ADAMTSL3: variants seen among roughly 807,000 people sequenced by gnomAD.
The protein encoded by ADAMTSL3 is ADAMTS like 3.
ADAMTSL3 carries 128 observed loss-of-function variants against 201.7 expected under a neutral mutation model. The ratio of observed to expected loss-of-function variants is 0.63; its 90% CI spans 0.55 to 0.73. The LOEUF is 0.73. Ranked by LOEUF, ADAMTSL3 falls within the 30% of genes least tolerant of loss-of-function variation. The pLI is 0.00. For missense variants in ADAMTSL3, 1,990 were observed against 2,119.6 expected (o/e 0.94, Z 1.20); for synonymous variants, 738 against 748.4 (o/e 0.99, Z 0.23).
chr15:83,822,733 T>A (rs2063910566), intron 6 of ADAMTSL3, among the ~76,000 whole-genome samples: 1 of 149,184 alleles, frequency 6.7e-6, no homozygotes, highest in Non-Finnish European at 1.5e-5. Flanking sequence ...GCAGAGGGGC[T>A]CCTCACGTCC....
intron 19 of ADAMTSL3, among the ~76,000 whole-genome samples, chr15:83,969,472 A>G (rs945793430): frequency 6.6e-6 from 1 of 152,206 alleles, no homozygotes; most frequent in African/African-American, 2.4e-5. Context: ...CAAACAATGG[A>G]CATGCCCATA....
intron 15 of ADAMTSL3, among the ~76,000 whole-genome samples, chr15:83,903,401 A>T (rs1283938195): frequency 6.6e-6 from 1 of 151,814 alleles, no homozygotes; most frequent in African/African-American, 2.4e-5. Flanking sequence ...CCCCAACATA[A>T]GCTCTGTTCA....
In ADAMTSL3 at chr15:83,970,472, C is replaced by G. The variant is rs749368088; in HGVS notation, c.2491-12C>G. Reference sequence around the variant, plus strand: ...TGCTCCATTTGACTCTGTTGCACAACTCTCATTTCAGTGTTCTGTCAGTTG... The same window carrying G: ...TGCTCCATTTGACTCTGTTGCACAAGTCTCATTTCAGTGTTCTGTCAGTTG... On this transcript the variant is annotated splice_polypyrimidine_tract_variant and intron_variant, in intron 19 of 29. Coordinates refer to ENST00000286744, the MANE Select transcript of ADAMTSL3 (RefSeq NM_207517.3). 1 of 1,613,988 alleles carries G rather than the reference C, an allele frequency of 6.2e-7. No homozygotes were observed. The highest frequency in any genetic ancestry group is 2.2e-5 in the East Asian group (1 of 44,866).
intron 4 of ADAMTSL3, among the ~76,000 whole-genome samples, chr15:83,776,384 GACAA>G (rs1567137388): frequency 6.6e-6 from 1 of 152,154 alleles, no homozygotes; most frequent in Non-Finnish European, 1.5e-5. Context: ...TATCTAAGGA[GACAA>G]ACAATAAACA....
At chr15:83,781,606 A>T (rs969020108) in intron 4 of ADAMTSL3, among the ~76,000 whole-genome samples, 1 of 152,226 alleles carries the variant, frequency 6.6e-6, no homozygotes, top group African/African-American at 2.4e-5. Context: ...GAAAAATGAC[A>T]TCTAATTAAA....
intron 6 of ADAMTSL3, among the ~76,000 whole-genome samples, chr15:83,835,756 C>G (rs762791180): frequency 3.3e-5 from 5 of 152,238 alleles, no homozygotes; most frequent in Non-Finnish European, 7.3e-5. Context: ...ATCAATCACT[C>G]TTAAGTTGTT....
chr15:83,671,359 A>G (rs1163468572), intron 2 of ADAMTSL3, among the ~76,000 whole-genome samples: 1 of 152,136 alleles, frequency 6.6e-6, no homozygotes, highest in Non-Finnish European at 1.5e-5. Context: ...TGTGTTCGGG[A>G]TTTCTCCAGA....
At chr15:83,702,414 C>T (rs1345407077) in intron 2 of ADAMTSL3, among the ~76,000 whole-genome samples, 1 of 152,164 alleles carries the variant, frequency 6.6e-6, no homozygotes, top group Non-Finnish European at 1.5e-5. Context: ...AAAATGTCTC[C>T]AGGGCATGTC....
chr15:83,866,561 A>G (rs992218145), intron 8 of ADAMTSL3, among the ~76,000 whole-genome samples: 4 of 152,108 alleles, frequency 2.6e-5, no homozygotes, highest in Admixed American at 6.5e-5. Context: ...TTGAACAATG[A>G]GAACACATGG....
intron 23 of ADAMTSL3, among the ~76,000 whole-genome samples, chr15:84,007,149 A>G (rs993703567): frequency 4.6e-5 from 7 of 152,154 alleles, no homozygotes; most frequent in Admixed American, 4.6e-4. Flanking sequence ...TTCTTTTGGA[A>G]TGTAACTTTG....
chr15:83,912,490 C>T (rs1332976975), intron 15 of ADAMTSL3, among the ~76,000 whole-genome samples: 4 of 152,020 alleles, frequency 2.6e-5, no homozygotes, highest in Admixed American at 1.3e-4. Context: ...GATAATAATC[C>T]GGAATAAGAA....
At chr15:83,922,729 C>T (rs936736394) in intron 16 of ADAMTSL3, among the ~76,000 whole-genome samples, 1 of 152,096 alleles carries the variant, frequency 6.6e-6, no homozygotes. Context: ...TTAGAAAGAA[C>T]TGAACATCAC....
rs374470229 is a variant in ADAMTSL3, at chr15:83,694,756, AG to A, written c.70-9632del. Among the ~76,000 whole-genome samples, 34 of 152,346 alleles carry A rather than the reference AG, an allele frequency of 2.2e-4. No individual in the cohort carries two copies. The East Asian group carries it at 5.6e-3, about 25-fold the overall frequency. On this transcript the variant is annotated intron_variant, in intron 2 of 29. Transcript: ENST00000286744. Reference sequence around the variant, plus strand: ...GCCTTCTGTGGTGCAGAGAATATTCAGACAGCAGGCATGCAGGCTCTGCGGG... The same window carrying A: ...GCCTTCTGTGGTGCAGAGAATATTCAACAGCAGGCATGCAGGCTCTGCGGG...
chr15:83,659,329 C>T (rs903572863), intron 2 of ADAMTSL3, among the ~76,000 whole-genome samples: 20 of 152,204 alleles, frequency 1.3e-4, no homozygotes, highest in Non-Finnish European at 2.9e-4. Context: ...AATTTCAAAA[C>T]ACAGCTTGTA....
intron 2 of ADAMTSL3, among the ~76,000 whole-genome samples, chr15:83,670,623 T>G (rs1057088701): frequency 6.6e-6 from 1 of 152,178 alleles, no homozygotes; most frequent in African/African-American, 2.4e-5. Context: ...ATTGATTCCA[T>G]GAAAAAATGG....
In ADAMTSL3 at chr15:83,826,216, C is replaced by T. The variant is rs1171308130; in HGVS notation, c.600+6169C>T. Among the ~76,000 whole-genome samples the T allele has an allele frequency of 2.0e-5, 3 of 152,126 alleles. No individual in the cohort carries two copies. The East Asian group carries it at 5.8e-4, about 29-fold the overall frequency. On this transcript the variant is annotated intron_variant, in intron 6 of 29. Transcript: ENST00000286744. ...GGGCTCCTGGGCTCAAGTAATCCTC[C>T]CAACCTAGTCTGCACTCCACCCCTA...
intron 3 of ADAMTSL3, among the ~76,000 whole-genome samples, chr15:83,728,626 A>C (rs1048089055): frequency 6.6e-6 from 1 of 152,012 alleles, no homozygotes; most frequent in African/African-American, 2.4e-5. Context: ...GCAAAGAGAA[A>C]ACCAACATAA....
intron 3 of ADAMTSL3, among the ~76,000 whole-genome samples, chr15:83,719,773 A>G (rs576480225): frequency 6.6e-6 from 1 of 152,228 alleles, no homozygotes; most frequent in Non-Finnish European, 1.5e-5. Context: ...AACAGCATCA[A>G]CAAAACAAAA....
rs1029296602 is a variant in ADAMTSL3, at chr15:83,793,580, G to A, written c.318-11070G>A. ...CAGCCTCCGCCTCCCAGGTTCAAGCGATTCTCCTTCCTCTACCTCCCGAGT... is the reference window on the plus strand; with the variant it reads ...CAGCCTCCGCCTCCCAGGTTCAAGCAATTCTCCTTCCTCTACCTCCCGAGT... On this transcript the variant is annotated intron_variant, in intron 4 of 29. Transcript: ENST00000286744. Among the ~76,000 whole-genome samples, 14 of 152,092 alleles carry A rather than the reference G, an allele frequency of 9.2e-5. No homozygotes were observed. In the East Asian group the frequency reaches 2.7e-3, roughly 29 times the overall value.
Sources: gnomAD v4.1 joint callset for allele counts (sites outside exome capture counted in the v4.1 genomes callset) on GRCh38, gnomAD v4.1.1 for gene constraint, MANE v1.5 for transcripts, NCBI Gene and HGNC (gene_info 2026-07-23, HGNC 2026-07-21) for gene names.